The following GNAQ variants were observed in gnomAD, a reference collection of about 807,000 sequenced individuals.
GNAQ encodes the protein G protein subunit alpha q, also known as guanine nucleotide-binding protein G(q) subunit alpha.
In GNAQ, 8 loss-of-function variants were observed where a neutral mutation model predicts 43.9. That is an observed-to-expected ratio of 0.18 (90% CI 0.11 to 0.33). GNAQ has a LOEUF of 0.33. GNAQ is among the 10% of genes least tolerant of loss of function. The probability of loss-of-function intolerance (pLI) is 1.00; values close to 1 mark genes in which losing one functional copy is unlikely to be tolerated. For missense variants in GNAQ, 158 were observed against 450.8 expected, an observed-to-expected ratio of 0.35 and a Z score of 5.88; for synonymous variants, 155 against 170.7, an observed-to-expected ratio of 0.91 and a Z score of 0.71.
intron 1 of GNAQ, among the ~76,000 whole-genome samples, chr9:77,937,531 G>A (rs986381748): frequency 2.0e-5 from 3 of 152,104 alleles, no homozygotes; most frequent in Admixed American, 6.5e-5. Context: ...ATTTTAGAAC[G>A]TTTCCATTTG....
intron 1 of GNAQ, among the ~76,000 whole-genome samples, chr9:77,957,211 C>A (rs2118402524): frequency 6.6e-6 from 1 of 152,064 alleles, no homozygotes; most frequent in South Asian, 2.1e-4. Context: ...AAAAAATTAG[C>A]CAGGTGTGGT....
chr9:77,781,015 AC>A (rs1826385872), intron 5 of GNAQ, among the ~76,000 whole-genome samples: 1 of 149,374 alleles, frequency 6.7e-6, no homozygotes, highest in Non-Finnish European at 1.5e-5. Context: ...ATATATATTA[AC>A]CCCCTGTTGG....
intron 1 of GNAQ, among the ~76,000 whole-genome samples, chr9:77,930,106 T>C (rs1010683369): frequency 3.3e-5 from 5 of 152,210 alleles, no homozygotes; most frequent in South Asian, 2.1e-4. Context: ...GAGAGTATCA[T>C]AGAAATGTGA....
intron 2 of GNAQ, among the ~76,000 whole-genome samples, chr9:77,898,023 G>A (rs934083016): frequency 5.9e-5 from 9 of 151,426 alleles, no homozygotes; most frequent in East Asian, 1.9e-4. Flanking sequence ...CCAAGAAAGC[G>A]GGATGACAAA....
intron 2 of GNAQ, among the ~76,000 whole-genome samples, chr9:77,873,051 G>A (rs1184173549): frequency 3.3e-5 from 5 of 152,230 alleles, no homozygotes; most frequent in Non-Finnish European, 7.3e-5. Flanking sequence ...GAAAGAGAAT[G>A]TATTGGAAAG....
At chr9:77,962,913 A>C (rs911509949) in intron 1 of GNAQ, among the ~76,000 whole-genome samples, 3 of 151,814 alleles carry the variant, frequency 2.0e-5, no homozygotes, top group African/African-American at 7.3e-5. Context: ...AAAAAAAAAA[A>C]AACAGTGCAT....
chr9:77,931,849 A>G (rs925840791), intron 1 of GNAQ, among the ~76,000 whole-genome samples: 4 of 152,124 alleles, frequency 2.6e-5, no homozygotes, highest in African/African-American at 9.7e-5. Context: ...ATCCAAGTAA[A>G]GCAGTACCTG....
intron 1 of GNAQ, among the ~76,000 whole-genome samples, chr9:77,943,274 A>T (rs2118349842): frequency 6.6e-6 from 1 of 152,346 alleles, no homozygotes; most frequent in African/African-American, 2.4e-5. Context: ...ATCATTTTAA[A>T]GCCAAGCTAC....
At chr9:77,875,660 T>C (rs115127333) in intron 2 of GNAQ, among the ~76,000 whole-genome samples, 1 of 152,074 alleles carries the variant, frequency 6.6e-6, no homozygotes, top group South Asian at 2.1e-4. Flanking sequence ...TCCTGGAAAT[T>C]AGGAGAATCA....
At chr9:77,826,246 C>T (rs373835692) in intron 2 of GNAQ, among the ~76,000 whole-genome samples, 1 of 152,260 alleles carries the variant, frequency 6.6e-6, no homozygotes, top group East Asian at 1.9e-4. Flanking sequence ...CTTCTCATTA[C>T]CTGCCTGACC....
At chr9:77,761,455 G>A (rs1488642393) in intron 5 of GNAQ, among the ~76,000 whole-genome samples, 3 of 137,440 alleles carry the variant, frequency 2.2e-5, no homozygotes, top group Non-Finnish European at 4.8e-5. Context: ...AGGTTGGGGG[G>A]TCAGCCCCCC....
intron 2 of GNAQ, among the ~76,000 whole-genome samples, chr9:77,870,318 G>A (rs940137583): frequency 6.7e-6 from 1 of 148,770 alleles, no homozygotes; most frequent in Admixed American, 6.7e-5. Context: ...CCTTTTTTTG[G>A]TGCTAGTTTT....
chr9:77,941,907 T>TACACACACACAC (rs10560776), intron 1 of GNAQ, among the ~76,000 whole-genome samples: 163 of 141,098 alleles, frequency 1.2e-3, no homozygotes, highest in South Asian at 3.4e-3. Context: ...ACAACATACA[T>TACACACACACAC]ACACACACAC....
rs572845799 is a variant in GNAQ, at chr9:77,951,201, G to A, written c.137-28856C>T. Among the ~76,000 whole-genome samples the A allele has an allele frequency of 4.8e-5, 7 of 145,498 alleles. No homozygotes were observed. The East Asian group carries it at 8.7e-4, about 18-fold the overall frequency. Reference sequence around the variant, plus strand: ...CAACCTCCACCTCCTGGGTTCAAGCGATTCTCCTGCCTCAGCCTCCCTAGT... The same window carrying A: ...CAACCTCCACCTCCTGGGTTCAAGCAATTCTCCTGCCTCAGCCTCCCTAGT... On this transcript the variant is annotated intron_variant, in intron 1 of 6. Coordinates refer to ENST00000286548, the MANE Select transcript of GNAQ (RefSeq NM_002072.5).
At chr9:77,914,037 G>A (rs1393804604) in intron 2 of GNAQ, among the ~76,000 whole-genome samples, 4 of 152,192 alleles carry the variant, frequency 2.6e-5, no homozygotes, top group Admixed American at 1.3e-4. Flanking sequence ...TTGGGATTAC[G>A]AATTAACTTT....
At chr9:77,916,529 A>C (rs1469380077) in intron 2 of GNAQ, among the ~76,000 whole-genome samples, 1 of 152,178 alleles carries the variant, frequency 6.6e-6, no homozygotes, top group African/African-American at 2.4e-5. Context: ...AGAAAGTGTC[A>C]AATGTGTTTA....
intron 1 of GNAQ, among the ~76,000 whole-genome samples, chr9:77,987,297 G>A (rs1051373860): frequency 6.6e-6 from 1 of 152,054 alleles, no homozygotes; most frequent in Admixed American, 6.6e-5. Flanking sequence ...AAGCCTCTGG[G>A]TGCTTGCTTT....
intron 2 of GNAQ, among the ~76,000 whole-genome samples, chr9:77,827,286 C>T (rs1827213241): frequency 6.7e-6 from 1 of 148,918 alleles, no homozygotes; most frequent in African/African-American, 2.5e-5. Context: ...CACGCATGCT[C>T]TTCTGCTTGA....
At chr9:77,738,749 T>G (rs1386481580) in intron 5 of GNAQ, among the ~76,000 whole-genome samples, 3 of 152,188 alleles carry the variant, frequency 2.0e-5, no homozygotes, top group Non-Finnish European at 4.4e-5. Context: ...TAACTTCAAC[T>G]AACTAAAACT....
Sources: gnomAD v4.1 joint callset for allele counts (sites outside exome capture counted in the v4.1 genomes callset) on GRCh38, gnomAD v4.1.1 for gene constraint, MANE v1.5 for transcripts, NCBI Gene and HGNC (gene_info 2026-07-23, HGNC 2026-07-21) for gene names.